TMTC1: variants seen among roughly 807,000 people sequenced by gnomAD.
The protein encoded by TMTC1 is transmembrane O-mannosyltransferase targeting cadherins 1, also known as protein O-mannosyl-transferase TMTC1.
Under a neutral mutation model 104.8 loss-of-function variants are expected in TMTC1, and 73 were observed. The ratio of observed to expected loss-of-function variants is 0.70; its 90% CI spans 0.58 to 0.85. The LOEUF is 0.85. Among genes scored for constraint, TMTC1 ranks in the 40% least tolerant of loss-of-function variants. The pLI, the probability that TMTC1 is intolerant of heterozygous loss-of-function variation, is 0.00. For synonymous variants in TMTC1, 434 were observed against 428.7 expected (o/e 1.01, Z -0.15); for missense variants, 1,035 against 1,096.1 (o/e 0.94, Z 0.79).
chr12:29,568,950 A>C (rs1272256475), intron 9 of TMTC1: 1 of 455,854 alleles, frequency 2.2e-6, no homozygotes, highest in Admixed American at 2.4e-5. Flanking sequence ...GTTTTTCTGA[A>C]TCTCCAGCAT....
Position 29,611,720 on chromosome 12 carries a change from G to A in TMTC1, c.1129-7421C>T, listed in dbSNP as rs571223360. 2.6e-5 allele frequency among the ~76,000 whole-genome samples: 4 copies of A among 152,306 alleles called. No homozygotes were observed. In the East Asian group the frequency reaches 7.7e-4, roughly 29 times the overall value. ...AAAAAAGTATGATGAAGACTAAAGAGATGGGGGAGAGCTGTAAGCGAAGAC... is the reference window on the plus strand; with the variant it reads ...AAAAAAGTATGATGAAGACTAAAGAAATGGGGGAGAGCTGTAAGCGAAGAC... On this transcript the variant is annotated intron_variant, in intron 6 of 17. Coordinates refer to ENST00000539277, the MANE Select transcript of TMTC1 (RefSeq NM_001193451.2).
At chr12:29,552,848 C>T (rs1945142596) in intron 10 of TMTC1, among the ~76,000 whole-genome samples, 1 of 152,182 alleles carries the variant, frequency 6.6e-6, no homozygotes, top group Non-Finnish European at 1.5e-5. Context: ...ATATTGTGTA[C>T]ATCTTAAAGT....
At chr12:29,537,627 C>G (rs548135247) in intron 10 of TMTC1, among the ~76,000 whole-genome samples, 1 of 152,288 alleles carries the variant, frequency 6.6e-6, no homozygotes, top group Admixed American at 6.5e-5. Flanking sequence ...TCCAGACCTA[C>G]TGAATCTGAT....
chr12:29,766,704 C>T (rs1231864175), intron 2 of TMTC1, among the ~76,000 whole-genome samples: 5 of 152,118 alleles, frequency 3.3e-5, no homozygotes, highest in African/African-American at 7.2e-5. Context: ...GACATCTTTA[C>T]TGCAGGTGTG....
intron 6 of TMTC1, among the ~76,000 whole-genome samples, chr12:29,631,835 G>A (rs1178864690): frequency 6.6e-6 from 1 of 152,036 alleles, no homozygotes; most frequent in Non-Finnish European, 1.5e-5. Flanking sequence ...CTTTTGCCTG[G>A]ATTTCTGGGG....
At chr12:29,660,761 T>C in intron 5 of TMTC1, 2 of 732,832 alleles carry the variant, frequency 2.7e-6, no homozygotes, top group Non-Finnish European at 1.9e-6. Flanking sequence ...ACATTCCTTA[T>C]CAGATATTTC....
At chr12:29,579,172 C>A (rs1303564489) in intron 8 of TMTC1, among the ~76,000 whole-genome samples, 2 of 152,172 alleles carry the variant, frequency 1.3e-5, no homozygotes, top group African/African-American at 4.8e-5. Context: ...GATGCTTAAC[C>A]AAATCAGTAC....
At position 29,514,495 on chromosome 12, in the gene TMTC1, T is replaced by C; in HGVS notation, c.2417A>G (p.Asp806Gly). The change falls in exon 16 of 18, where the codon GAC becomes GGC. Residue 806 changes from aspartate to glycine, a missense_variant. By Grantham distance (94) the Asp-to-Gly change is moderately conservative. Transcript: ENST00000539277. ...GNQLREQNLL[D>G]KAFESYRVAV... ...ATGAGTTTATACCTCAAAAGCTTTG[T>C]CGAGAAGGTTCTGCTCTCTTAATTG... 1 of 1,612,726 alleles carries C rather than the reference T, an allele frequency of 6.2e-7. No individual in the cohort carries two copies. Among genetic ancestry groups the C allele is most frequent in the Non-Finnish European group, 8.5e-7 (1 of 1,179,658 alleles).
rs1183073283 is a variant in TMTC1 at position 29,567,748 on chromosome 12, TACTCATTG to T, written c.1532+4349_1532+4356del. 2.0e-5 allele frequency among the ~76,000 whole-genome samples: 3 copies of T among 152,192 alleles called. No individual in the cohort carries two copies. In the East Asian group the frequency reaches 5.8e-4, roughly 29 times the overall value. ...AGGCTGTGTGAAGGACTTTTTAAAA[TACTCATTG>T]ACTCCTGGTTTTTAAAACATGTTCA... On this transcript the variant is annotated intron_variant, in intron 9 of 17. Coordinates refer to ENST00000539277, the MANE Select transcript of TMTC1 (RefSeq NM_001193451.2).
intron 5 of TMTC1, among the ~76,000 whole-genome samples, chr12:29,717,216 T>C (rs1468603446): frequency 2.0e-5 from 3 of 152,218 alleles, no homozygotes; most frequent in African/African-American, 2.4e-5. Flanking sequence ...TCTTTGTAAA[T>C]ACTGAGCATT....
chr12:29,681,113 A>AAAG (rs1555186334), intron 5 of TMTC1, among the ~76,000 whole-genome samples: 9 of 151,626 alleles, frequency 5.9e-5, no homozygotes, highest in Non-Finnish European at 1.0e-4. Flanking sequence ...AAAAAAAAAA[A>AAAG]AAAAAGAAAC....
chr12:29,520,390 C>T (rs927681574), intron 12 of TMTC1, among the ~76,000 whole-genome samples: 15 of 151,996 alleles, frequency 9.9e-5, no homozygotes, highest in Admixed American at 5.9e-4. Flanking sequence ...ACTTCCTGTC[C>T]CCTGGGGAGT....
In TMTC1 at chr12:29,503,112, G is replaced by A. The variant is rs1943630197; in HGVS notation, c.*3734C>T. 1 of 152,172 alleles carries A rather than the reference G, an allele frequency of 6.6e-6. No individual in the cohort carries two copies. Among genetic ancestry groups the A allele is most frequent in the African/African-American group, 2.4e-5 (1 of 41,444 alleles). 9.4% of individuals were successfully genotyped at this position (152,172 alleles called of 1,614,324 possible). Reference sequence around the variant, plus strand: ...GTTGCGCAGAGGCATTCGCACAACTGCTGCAAAACCCTGCATCAAACTAGG... The same window carrying A: ...GTTGCGCAGAGGCATTCGCACAACTACTGCAAAACCCTGCATCAAACTAGG... On this transcript the variant is annotated 3_prime_UTR_variant, in exon 18 of 18. Coordinates refer to ENST00000539277, the MANE Select transcript of TMTC1 (RefSeq NM_001193451.2).
intron 10 of TMTC1, 152 bp downstream of exon 10, chr12:29,556,705 T>C (rs1467846651): frequency 7.5e-6 from 6 of 796,658 alleles, no homozygotes; most frequent in Non-Finnish European, 7.6e-6. Flanking sequence ...GGAAAAGAAA[T>C]TGAGATGCAT....
intron 6 of TMTC1, among the ~76,000 whole-genome samples, chr12:29,608,729 C>T (rs1433467507): frequency 6.6e-6 from 1 of 152,108 alleles, no homozygotes; most frequent in Non-Finnish European, 1.5e-5. Flanking sequence ...CCTGTCTTAA[C>T]ACCCAGACGG....
intron 5 of TMTC1, among the ~76,000 whole-genome samples, chr12:29,719,868 A>G (rs953242163): frequency 2.0e-5 from 3 of 152,166 alleles, no homozygotes; most frequent in Admixed American, 6.5e-5. Context: ...TTGCTTTTCC[A>G]TAGGAGGATC....
At chr12:29,745,092 T>C (rs540601453) in intron 5 of TMTC1, among the ~76,000 whole-genome samples, 4 of 152,206 alleles carry the variant, frequency 2.6e-5, no homozygotes, top group Non-Finnish European at 4.4e-5. Flanking sequence ...TGCCCAACTT[T>C]AATTTTTTTT....
chr12:29,559,837 TCA>T (rs1247703177), intron 9 of TMTC1, among the ~76,000 whole-genome samples: 1 of 152,150 alleles, frequency 6.6e-6, no homozygotes, highest in East Asian at 1.9e-4. Context: ...GCTCACCTAA[TCA>T]CAAGCAAGCT....
intron 5 of TMTC1, among the ~76,000 whole-genome samples, chr12:29,743,440 AT>A (rs1422467481): frequency 1.3e-5 from 2 of 152,130 alleles, no homozygotes; most frequent in Non-Finnish European, 2.9e-5. Context: ...TTTTAAGAGA[AT>A]TTTCAAATCA....
Sources: allele counts gnomAD v4.1 joint callset (sites outside exome capture counted in the v4.1 genomes callset), GRCh38; gene constraint gnomAD v4.1.1; transcripts MANE v1.5; gene names NCBI Gene and HGNC (gene_info 2026-07-23, HGNC 2026-07-21).